Variants in RTF2 observed in about 807,000 individuals in gnomAD.
RTF2 encodes the protein UPF0549 protein C20orf43.
In RTF2, 18 loss-of-function variants were observed where a neutral mutation model predicts 38.0. That is an observed-to-expected ratio of 0.47 (90% CI 0.33 to 0.70). The LOEUF (loss-of-function observed/expected upper bound fraction) is 0.70. RTF2 is among the 30% of genes least tolerant of loss of function. RTF2 has a pLI of 0.02. For missense variants in RTF2, 311 were observed against 379.6 expected (o/e 0.82, Z 1.50); for synonymous variants, 126 against 137.1 (o/e 0.92, Z 0.57).
chr20:56,490,990 C>T (rs527501069), intron 5 of RTF2, among the ~76,000 whole-genome samples: 19 of 152,320 alleles, frequency 1.2e-4, no homozygotes, highest in Admixed American at 3.3e-4. Flanking sequence ...TGCTAGGAGA[C>T]GACATGTCAA....
At chr20:56,478,868 A>C (rs1185232086) in intron 4 of RTF2, among the ~76,000 whole-genome samples, 2 of 152,246 alleles carry the variant, frequency 1.3e-5, no homozygotes, top group Non-Finnish European at 2.9e-5. Flanking sequence ...AGTTGTCTTA[A>C]ACCCTGCAAC....
At chr20:56,479,520 G>T (rs116884928) in intron 4 of RTF2, among the ~76,000 whole-genome samples, 33 of 152,208 alleles carry the variant, frequency 2.2e-4, no homozygotes, top group African/African-American at 6.0e-4. Flanking sequence ...CCACCACAGC[G>T]GGCCAAATCA....
intron 1 of RTF2, chr20:56,470,929 T>C: frequency 4.2e-6 from 1 of 235,986 alleles, no homozygotes; most frequent in South Asian, 5.2e-5. Flanking sequence ...GTATTTGTAA[T>C]AAATCAGCAA....
intron 5 of RTF2, among the ~76,000 whole-genome samples, chr20:56,506,297 C>T (rs13041953): frequency 0.37 from 55,920 of 151,978 alleles, 11,054 homozygotes; most frequent in Non-Finnish European, 0.45. Context: ...TGCAGACATA[C>T]ACTCATTTAC....
intron 4 of RTF2, among the ~76,000 whole-genome samples, chr20:56,479,727 C>T (rs1466609019): frequency 5.9e-5 from 9 of 152,076 alleles, no homozygotes; most frequent in Non-Finnish European, 1.3e-4. Flanking sequence ...TGTTAGCAGC[C>T]ATGAAAACAA....
At chr20:56,505,506 A>ATAATAATAATAATAATAAT (rs962856628) in intron 5 of RTF2, among the ~76,000 whole-genome samples, 2 of 149,692 alleles carry the variant, frequency 1.3e-5, no homozygotes, top group African/African-American at 4.9e-5. Flanking sequence ...AATAATAATA[A>ATAATAATAATAATAATAAT]TAATAATAAT....
chr20:56,509,528 G>A (rs13039631), intron 5 of RTF2, among the ~76,000 whole-genome samples: 3,431 of 151,410 alleles, frequency 0.023, 52 homozygotes, highest in Middle Eastern at 0.034. Flanking sequence ...CAGGAGAATC[G>A]CTTGAACCCA....
At position 56,517,133 on chromosome 20, in the gene RTF2, C is replaced by T. The variant is rs773775689; in HGVS notation, c.674C>T (p.Thr225Ile). Reference sequence around the variant, plus strand: ...GCCCCAGGGCCATCAAAAGTTAAGACAGGGAAGCCTGAAGAAGCCAGCCTT... The same window carrying T: ...GCCCCAGGGCCATCAAAAGTTAAGATAGGGAAGCCTGAAGAAGCCAGCCTT... ...EEAPGPSKVK[T>I]GKPEEASLDS... is the part of the protein sequence containing the mutation. The change falls in exon 8 of 9, where the codon ACA (threonine) becomes ATA (isoleucine). Residue 225 changes from threonine (T) to isoleucine (I), a missense_variant. Transcript: ENST00000357348. 4.0e-5 allele frequency: 64 copies of T among 1,614,030 alleles called. No homozygotes were observed. The highest frequency in any genetic ancestry group is 6.6e-5 in the South Asian group (6 of 91,086).
chr20:56,511,450 A>T (rs952379643), intron 5 of RTF2, among the ~76,000 whole-genome samples: 1 of 152,074 alleles, frequency 6.6e-6, no homozygotes, highest in South Asian at 2.1e-4. Context: ...ATTGTCTTCC[A>T]TGAGACTGGC....
At chr20:56,514,783 T>G (rs1037782999) in intron 6 of RTF2, among the ~76,000 whole-genome samples, 1 of 152,216 alleles carries the variant, frequency 6.6e-6, no homozygotes, top group African/African-American at 2.4e-5. Flanking sequence ...AATGGCTCTG[T>G]AGTTCAAGGA....
Position 56,474,691 on chromosome 20 carries a change from G to A in RTF2, c.178G>A (p.Asp60Asn). 6.2e-7 allele frequency: 1 copy of A among 1,607,830 alleles called. No homozygotes were observed. Among genetic ancestry groups the A allele is most frequent in the Non-Finnish European group, 8.5e-7 (1 of 1,177,518 alleles). The part of the protein sequence containing the change: ...ACELGRLYNK[D>N]AVIEFLLDKS... ...TTACTATTGCAGACTTTATAACAAA[G>A]ATGCCGTCATTGAATTTCTCTTGGA... is the stretch of plus-strand genomic sequence containing the variant. The change falls in exon 3 of 9, where the codon GAT (aspartate) becomes AAT (asparagine). Residue 60 changes from aspartate (D) to asparagine (N), a missense_variant. Asp to Asn is a conservative substitution (Grantham distance 23). Transcript: ENST00000357348.
At chr20:56,479,151 A>G (rs967047017) in intron 4 of RTF2, among the ~76,000 whole-genome samples, 3 of 152,210 alleles carry the variant, frequency 2.0e-5, no homozygotes, top group Admixed American at 1.3e-4. Context: ...GGGTGGAATC[A>G]GCTTCTTCCA....
At chr20:56,470,645 C>G (rs1600789670) in intron 1 of RTF2, 1 of 456,028 alleles carries the variant, frequency 2.2e-6, no homozygotes, top group South Asian at 1.5e-5. Flanking sequence ...ACCAGAAACA[C>G]CAAGCCAAGA....
chr20:56,472,936 T>A (rs796797918), intron 1 of RTF2, among the ~76,000 whole-genome samples: 14 of 151,992 alleles, frequency 9.2e-5, no homozygotes, highest in African/African-American at 3.4e-4. Flanking sequence ...GTCCAGGAGT[T>A]TGGGGGCAGC....
chr20:56,481,310 G>A (rs544960823), intron 4 of RTF2, among the ~76,000 whole-genome samples: 181 of 152,276 alleles, frequency 1.2e-3, no homozygotes, highest in Non-Finnish European at 1.9e-3. Context: ...GGTGTACATG[G>A]ACACCCTCTC....
chr20:56,492,808 A>G (rs1186972611), intron 5 of RTF2, among the ~76,000 whole-genome samples: 2 of 152,066 alleles, frequency 1.3e-5, no homozygotes, highest in Non-Finnish European at 2.9e-5. Context: ...TGTTTATTTC[A>G]GAAACGTTGC....
chr20:56,504,793 G>A (rs914747742), intron 5 of RTF2, among the ~76,000 whole-genome samples: 18 of 152,204 alleles, frequency 1.2e-4, no homozygotes, highest in African/African-American at 3.6e-4. Flanking sequence ...ATCACACACC[G>A]TAGAGATTTC....
intron 5 of RTF2, among the ~76,000 whole-genome samples, chr20:56,491,964 C>T (rs559422854): frequency 9.1e-4 from 139 of 152,208 alleles, no homozygotes; most frequent in Non-Finnish European, 9.4e-4. Flanking sequence ...TTTGAACTTA[C>T]GGTGGAAAGG....
chr20:56,513,141 T>A (rs1394842802), intron 5 of RTF2, among the ~76,000 whole-genome samples, 174 bp from the exon 6 acceptor site: 1 of 152,192 alleles, frequency 6.6e-6, no homozygotes, highest in Non-Finnish European at 1.5e-5. Flanking sequence ...CCTGCTACGC[T>A]GACACTTTGC....
Sources: allele counts gnomAD v4.1 joint callset (sites outside exome capture counted in the v4.1 genomes callset), GRCh38; gene constraint gnomAD v4.1.1; transcripts MANE v1.5; gene names NCBI Gene and HGNC (gene_info 2026-07-23, HGNC 2026-07-21).